The following P2RY8 variants were observed in gnomAD, a reference collection of about 807,000 sequenced individuals.
P2RY8 encodes P2Y receptor family member 8.
P2RY8 carries 6 observed loss-of-function variants against 10.0 expected under a neutral mutation model. The ratio of observed to expected loss-of-function variants is 0.60; its 90% confidence interval spans 0.33 to 1.19. The LOEUF (loss-of-function observed/expected upper bound fraction) is 1.19, where lower values mean the gene tolerates loss of function less well. P2RY8 is among the 50% of genes most tolerant of loss of function. The pLI is 0.04. For synonymous variants in P2RY8, 276 were observed against 252.5 expected (o/e 1.09, Z -0.88); for missense variants, 456 against 542.0 (o/e 0.84, Z 1.58).
At chrX:1,530,281 C>G (rs1297440406) in intron 1 of P2RY8, among the ~76,000 whole-genome samples, 11 of 149,964 alleles carry the variant, frequency 7.3e-5, no homozygotes, top group African/African-American at 2.7e-4. Context: ...ATCTATCTAT[C>G]TATCTATCTA....
chrX:1,473,226 TAGATGAGTA>T (rs2091818060), intron 1 of P2RY8, among the ~76,000 whole-genome samples: 1 of 144,636 alleles, frequency 6.9e-6, no homozygotes, highest in African/African-American at 2.6e-5. Flanking sequence ...GGTAGATGGA[TAGATGAGTA>T]GGTAGATGGG....
At chrX:1,517,112 T>G (rs5989783) in intron 1 of P2RY8, among the ~76,000 whole-genome samples, 129,500 of 150,772 alleles carry the variant, frequency 0.86, 56,004 homozygotes, top group East Asian at 1. Context: ...GCCCACACCT[T>G]AATCTTGGAT....
intron 1 of P2RY8, among the ~76,000 whole-genome samples, chrX:1,489,014 A>C (rs2077776573): frequency 6.6e-6 from 1 of 151,772 alleles, no homozygotes; most frequent in Non-Finnish European, 1.5e-5. Context: ...CCTAGGATTC[A>C]CTCCCACAAA....
intron 1 of P2RY8, among the ~76,000 whole-genome samples, chrX:1,468,577 G>C (rs1387560112): frequency 6.6e-6 from 1 of 152,126 alleles, no homozygotes; most frequent in Non-Finnish European, 1.5e-5. Flanking sequence ...TCAGCGGGCA[G>C]GATGGAAATT....
At position 1,492,652 on chromosome X, in the gene P2RY8, C is replaced by T. The variant is rs188806897; in HGVS notation, c.-24-26070G>A. On this transcript the variant is annotated intron_variant, in intron 1 of 1. Coordinates refer to ENST00000381297, the MANE Select transcript of P2RY8 (RefSeq NM_178129.5). Reference sequence around the variant, plus strand: ...TCCAATTTGACAATTTCCACCTTGACTTCAGCTAGCTCGACTCAAGTTTCT... The same window carrying T: ...TCCAATTTGACAATTTCCACCTTGATTTCAGCTAGCTCGACTCAAGTTTCT... Among the ~76,000 whole-genome samples, 234 of 152,272 alleles carry T rather than the reference C, an allele frequency of 1.5e-3. 1 individual carries two copies. Among genetic ancestry groups the T allele is most frequent in the African/African-American group, 5.4e-3 (225 of 41,554 alleles).
intron 1 of P2RY8, among the ~76,000 whole-genome samples, chrX:1,531,548 C>T (rs1301619469): frequency 6.6e-6 from 1 of 152,096 alleles, no homozygotes; most frequent in African/African-American, 2.4e-5. Context: ...CATTGCCATT[C>T]CACCAACTCA....
intron 1 of P2RY8, among the ~76,000 whole-genome samples, chrX:1,472,591 C>T (rs1475208984): frequency 3.7e-4 from 34 of 92,860 alleles, no homozygotes; most frequent in Middle Eastern, 0.01. Flanking sequence ...GGGTGGATGG[C>T]TGGATCAGTG....
chrX:1,530,153 GTATGATCTATCTATCTATCTATCT>G (rs2092463203), intron 1 of P2RY8, among the ~76,000 whole-genome samples: 1 of 39,518 alleles, frequency 2.5e-5, no homozygotes, highest in African/African-American at 1.5e-4. Flanking sequence ...ATGTATGTAT[GTATGATCTATCTATCTATCTATCT>G]ATCTATCTAT....
At chrX:1,495,305 C>G (rs28437033) in intron 1 of P2RY8, among the ~76,000 whole-genome samples, 1,532 of 152,256 alleles carry the variant, frequency 0.01, 23 homozygotes, top group Middle Eastern at 0.054. Context: ...AAAGTCCTAA[C>G]CCCTAGGACC....
chrX:1,526,886 A>T (rs1377104764), intron 1 of P2RY8, among the ~76,000 whole-genome samples: 3 of 151,710 alleles, frequency 2.0e-5, no homozygotes, highest in Non-Finnish European at 4.4e-5. Flanking sequence ...CTATTCATTC[A>T]TTTCTTTTCT....
At chrX:1,491,437 G>A (rs1471966622) in intron 1 of P2RY8, among the ~76,000 whole-genome samples, 1 of 152,226 alleles carries the variant, frequency 6.6e-6, no homozygotes, top group African/African-American at 2.4e-5. Context: ...CACAGGACTT[G>A]CTTGATAAAC....
At chrX:1,494,838 G>C (rs1182165965) in intron 1 of P2RY8, among the ~76,000 whole-genome samples, 8 of 151,296 alleles carry the variant, frequency 5.3e-5, no homozygotes, top group Non-Finnish European at 4.4e-5. Flanking sequence ...AAGTAGCTGG[G>C]AAGACAGGCA....
Position 1,465,122 on chromosome X carries a change from A to C in P2RY8, c.*357T>G. 1 of 369,052 alleles carries C rather than the reference A, an allele frequency of 2.7e-6. No homozygotes were observed. Among genetic ancestry groups the C allele is most frequent in the Non-Finnish European group, 4.9e-6 (1 of 202,956 alleles). The allele number at this position is 369,052 out of a possible 1,614,324, so 22.9% of individuals were successfully genotyped here. On this transcript the variant is annotated 3_prime_UTR_variant, in exon 2 of 2. Coordinates refer to ENST00000381297, the MANE Select transcript of P2RY8 (RefSeq NM_178129.5). ...GGACAGGTGTGAGGAGTGTCTAAGG[A>C]GCTCGGGGGTGACAGCCCAGCTCTA... is the stretch of plus-strand genomic sequence containing the variant.
chrX:1,501,815 G>A (rs1327661833), intron 1 of P2RY8, among the ~76,000 whole-genome samples: 13 of 151,728 alleles, frequency 8.6e-5, no homozygotes, highest in South Asian at 2.1e-4. Context: ...GGATGGTCTC[G>A]ATATCTGGAC....
chrX:1,463,721 G>C lies in P2RY8; in HGVS notation c.*1758C>G, dbSNP rs1266184225. On this transcript the variant is annotated 3_prime_UTR_variant, in exon 2 of 2. Transcript: ENST00000381297. ...GTTCCCTCCAGAGACTCTAGGGGAG[G>C]GTCCTTCCTGCCTCTCCCAGCTCCT... 1 of 232,174 alleles carries C rather than the reference G, an allele frequency of 4.3e-6. No individual in the cohort carries two copies. Among genetic ancestry groups the C allele is most frequent in the Non-Finnish European group, 8.5e-6 (1 of 117,802 alleles). 14.4% of individuals were successfully genotyped at this position (232,174 alleles called of 1,614,324 possible).
intron 1 of P2RY8, among the ~76,000 whole-genome samples, chrX:1,525,753 T>C (rs1366145064): frequency 1.3e-5 from 2 of 152,090 alleles, no homozygotes; most frequent in Non-Finnish European, 2.9e-5. Flanking sequence ...TCCTTATCCA[T>C]CCACTCATCC....
chrX:1,468,689 C>A (rs1323979736), intron 1 of P2RY8, among the ~76,000 whole-genome samples: 67 of 151,194 alleles, frequency 4.4e-4, no homozygotes, highest in Non-Finnish European at 7.8e-4. Flanking sequence ...ACGGACAGAC[C>A]ACAGGTGGGC....
chrX:1,493,757 T>A (rs1271694227), intron 1 of P2RY8, among the ~76,000 whole-genome samples: 2 of 152,102 alleles, frequency 1.3e-5, no homozygotes, highest in African/African-American at 4.8e-5. Flanking sequence ...GCTTGCAAAC[T>A]GGGAATCTCC....
At chrX:1,532,578 T>TGG (rs1354111984) in intron 1 of P2RY8, among the ~76,000 whole-genome samples, 1 of 151,874 alleles carries the variant, frequency 6.6e-6, no homozygotes, top group Non-Finnish European at 1.5e-5. Flanking sequence ...TGAAAAAGAA[T>TGG]AGCATTTGGA....
Sources: allele counts gnomAD v4.1 joint callset (sites outside exome capture counted in the v4.1 genomes callset), GRCh38; gene constraint gnomAD v4.1.1; transcripts MANE v1.5; gene names NCBI Gene and HGNC (gene_info 2026-07-23, HGNC 2026-07-21).